Variants in CCDC33 observed in about 807,000 individuals in gnomAD.
CCDC33 encodes coiled-coil domain containing 33.
CCDC33 carries 94 observed loss-of-function variants against 91.9 expected under a neutral mutation model. That is an observed-to-expected ratio of 1.02 (90% CI 0.87 to 1.21). CCDC33 has a LOEUF of 1.21. Among genes scored for constraint, CCDC33 ranks in the 50% most tolerant of loss-of-function variants. CCDC33 has a pLI of 0.00. For missense variants in CCDC33, 940 were observed against 935.5 expected, an observed-to-expected ratio of 1.00 and a Z score of -0.06; for synonymous variants, 396 against 374.5, an observed-to-expected ratio of 1.06 and a Z score of -0.66.
intron 1 of CCDC33, chr15:74,203,312 G>T: frequency 1.8e-6 from 1 of 564,528 alleles, no homozygotes; most frequent in Non-Finnish European, 2.2e-6. Flanking sequence ...GGCAAGAGGA[G>T]CCCCGCCTGC....
At chr15:74,268,582 G>A (rs2076234159) in intron 5 of CCDC33, 124 bp downstream of exon 5, 2 of 699,038 alleles carry the variant, frequency 2.9e-6, no homozygotes, top group Middle Eastern at 3.6e-4. Flanking sequence ...GAGATGTCAA[G>A]AATGGAAAAA....
intron 10 of CCDC33, among the ~76,000 whole-genome samples, chr15:74,282,854 C>T (rs1023853915): frequency 2.6e-5 from 4 of 152,164 alleles, no homozygotes; most frequent in Non-Finnish European, 5.9e-5. Context: ...GCCAGGCACC[C>T]GCTGGACTTT....
upstream of CCDC33, among the ~76,000 whole-genome samples, chr15:74,233,641 A>G (rs1282869188): frequency 6.6e-6 from 1 of 151,970 alleles, no homozygotes; most frequent in Non-Finnish European, 1.5e-5. Context: ...CCAGAGCTGC[A>G]CTAGAGAGAA....
chr15:74,288,802 A>G (rs889781070), intron 10 of CCDC33, among the ~76,000 whole-genome samples: 2 of 152,332 alleles, frequency 1.3e-5, no homozygotes, highest in East Asian at 1.9e-4. Context: ...AAGTGCTGCA[A>G]TGTCCACCTT....
In CCDC33 at chr15:74,330,207, C is replaced by A; in HGVS notation, c.1309C>A (p.Arg437=). ...SHDTEMNNYR[R]AMQKMAEDIL... is the part of the protein sequence containing the mutation. Reference sequence around the variant, plus strand: ...TCCACAGGAGATGAACAACTACCGGCGGGCCATGCAGAAGATGGCAGAGGA... The same window carrying A: ...TCCACAGGAGATGAACAACTACCGGAGGGCCATGCAGAAGATGGCAGAGGA... Residue 437 remains arginine, a synonymous_variant, in exon 12 of 19, where the codon CGG becomes AGG. Transcript: ENST00000398814. 6.2e-7 allele frequency: 1 copy of A among 1,607,260 alleles called. No individual in the cohort carries two copies. Among genetic ancestry groups the A allele is most frequent in the Non-Finnish European group, 8.5e-7 (1 of 1,176,050 alleles).
intron 1 of CCDC33, among the ~76,000 whole-genome samples, chr15:74,204,119 C>G (rs2074197879): frequency 6.6e-6 from 1 of 152,230 alleles, no homozygotes; most frequent in Admixed American, 6.5e-5. Context: ...TCTCCACCAT[C>G]CCACAGAGAT....
Position 74,333,933 on chromosome 15 carries a change from A to G in CCDC33, c.1991A>G (p.His664Arg). ...TTCAACCTCCTGGCCAAGCTGGAAC[A>G]CGCTCAGAGCCGGATCCTGTCCCTG... ...DKFNLLAKLE[H>R]AQSRILSLES... The change falls in exon 17 of 19, where the codon CAC becomes CGC. Residue 664 changes from histidine to arginine, a missense_variant. Transcript: ENST00000398814. 6.2e-7 allele frequency: 1 copy of G among 1,613,744 alleles called. No individual in the cohort carries two copies. Among genetic ancestry groups the G allele is most frequent in the Non-Finnish European group, 8.5e-7 (1 of 1,179,726 alleles).
At chr15:74,310,861 G>C (rs918703334) in intron 11 of CCDC33, among the ~76,000 whole-genome samples, 1 of 152,234 alleles carries the variant, frequency 6.6e-6, no homozygotes, top group Non-Finnish European at 1.5e-5. Context: ...GCTCTGAAAG[G>C]ACCAACTGCC....
intron 10 of CCDC33, among the ~76,000 whole-genome samples, chr15:74,285,885 T>C (rs751445688): frequency 6.6e-6 from 1 of 152,154 alleles, no homozygotes; most frequent in Non-Finnish European, 1.5e-5. Flanking sequence ...CAAAAACACA[T>C]ACACAGAAAA....
chr15:74,262,125 G>A (rs2076039830), intron 2 of CCDC33, among the ~76,000 whole-genome samples: 2 of 152,118 alleles, frequency 1.3e-5, no homozygotes, highest in Admixed American at 1.3e-4. Context: ...AGCCCTCCCT[G>A]GCAAGGGCTA....
At chr15:74,298,532 G>T (rs2059731939) in intron 11 of CCDC33, among the ~76,000 whole-genome samples, 1 of 151,914 alleles carries the variant, frequency 6.6e-6, no homozygotes, top group Non-Finnish European at 1.5e-5. Context: ...GTGTTTTTTG[G>T]TTTTTTGTTT....
At position 74,312,482 on chromosome 15, in the gene CCDC33, G is replaced by C. The variant is rs576112883; in HGVS notation, c.1290+16534G>C. 5.6e-4 allele frequency among the ~76,000 whole-genome samples: 86 copies of C among 152,302 alleles called. 3 individuals carry two copies. The South Asian group carries it at 0.017, about 30-fold the overall frequency. On this transcript the variant is annotated intron_variant, in intron 11 of 18. Transcript: ENST00000398814. ...AATTGTGCTACCGGCTGCAGATCCA[G>C]CGAGACATCGGTAAGTGCTCGTTAC... is the stretch of plus-strand genomic sequence containing the variant.
At chr15:74,266,278 T>C (rs2076163696) in intron 3 of CCDC33, among the ~76,000 whole-genome samples, 1 of 152,206 alleles carries the variant, frequency 6.6e-6, no homozygotes. Flanking sequence ...GCATAAGTGT[T>C]TGTGACCAAG....
exon 1 of CCDC33, chr15:74,203,081 C>CATT (rs2074159911): frequency 1.0e-6 from 1 of 985,518 alleles, no homozygotes; most frequent in East Asian, 1.1e-4. Flanking sequence ...AGGAGACCAG[C>CATT]ATTACAGCAA....
chr15:74,262,999 G>A (rs1159419936), intron 3 of CCDC33, among the ~76,000 whole-genome samples: 4 of 152,190 alleles, frequency 2.6e-5, no homozygotes, highest in African/African-American at 9.7e-5. Flanking sequence ...TTAAGCTTAA[G>A]ACCAAGGACC....
At chr15:74,262,247 G>A (rs2076043698) in intron 2 of CCDC33, among the ~76,000 whole-genome samples, 193 bp from the exon 3 acceptor site, 1 of 152,220 alleles carries the variant, frequency 6.6e-6, no homozygotes, top group Non-Finnish European at 1.5e-5. Flanking sequence ...TGGCCAGCGA[G>A]ACAGTGTGGT....
chr15:74,250,420 G>A (rs1406458736), intron 2 of CCDC33, among the ~76,000 whole-genome samples: 1 of 152,066 alleles, frequency 6.6e-6, no homozygotes, highest in Admixed American at 6.6e-5. Context: ...TCCGTTCTCT[G>A]AGCAAACCCT....
chr15:74,242,724 C>T (rs927622774), intron 1 of CCDC33, among the ~76,000 whole-genome samples: 2 of 151,898 alleles, frequency 1.3e-5, no homozygotes, highest in African/African-American at 4.8e-5. Flanking sequence ...CAGTGGAGGA[C>T]CAGGGCCAGG....
chr15:74,222,359 A>G (rs544613044), intron 2 of CCDC33, among the ~76,000 whole-genome samples: 1 of 152,070 alleles, frequency 6.6e-6, no homozygotes, highest in African/African-American at 2.4e-5. Context: ...AAGGCCGGGA[A>G]CTCCCTCCCA....
Sources: allele counts gnomAD v4.1 joint callset (sites outside exome capture counted in the v4.1 genomes callset), GRCh38; gene constraint gnomAD v4.1.1; transcripts MANE v1.5; gene names NCBI Gene and HGNC (gene_info 2026-07-23, HGNC 2026-07-21).